The following TESC variants were observed in gnomAD, a reference collection of about 807,000 sequenced individuals.
The protein encoded by TESC is tescalcin.
A neutral mutation model predicts 31.0 loss-of-function variants in TESC; 19 were observed. The ratio of observed to expected loss-of-function variants is 0.61; its 90% CI spans 0.43 to 0.90. The LOEUF (loss-of-function observed/expected upper bound fraction) is 0.90, where lower values mean the gene tolerates loss of function less well. Among genes scored for constraint, TESC ranks in the 40% least tolerant of loss-of-function variants. TESC has a pLI of 0.00. For missense variants in TESC, 248 were observed against 303.8 expected (o/e 0.82, Z 1.36); for synonymous variants, 109 against 114.8 (o/e 0.95, Z 0.32).
rs1954733790 is a variant in TESC, at chr12:117,056,868, A to G, written c.147T>C (p.Asn49=). 6.2e-7 allele frequency: 1 copy of G among 1,614,128 alleles called. No individual in the cohort carries two copies. Among genetic ancestry groups the G allele is most frequent in the Non-Finnish European group, 8.5e-7 (1 of 1,180,020 alleles). ...QPTIRKENFN[N]VPDLELNPIR... ...TGGGGTTGAGCTCCAGGTCCGGGAC[A>G]TTGTTGAAGTTCTCCTTGCTGGTTT... Residue 49 remains asparagine, a synonymous_variant, in exon 3 of 8, where the codon AAT becomes AAC. Coordinates refer to ENST00000335209, the MANE Select transcript of TESC (RefSeq NM_017899.4).
rs757923846 is a variant in TESC, at chr12:117,049,167, GCAA to G, written c.210-12_210-10del. ...GTCCCTTGCGCAGGTTCCTACGGGA[GCAA>G]CAAGGAGGGTGTTGGAAATAAATGA... is the stretch of plus-strand genomic sequence containing the variant. On this transcript the variant is annotated splice_polypyrimidine_tract_variant and intron_variant, in intron 3 of 7. Transcript: ENST00000335209. 74 of 1,614,046 alleles carry G rather than the reference GCAA, an allele frequency of 4.6e-5. No homozygotes were observed. Among genetic ancestry groups the G allele is most frequent in the Non-Finnish European group, 6.3e-5 (74 of 1,180,008 alleles).
At chr12:117,075,951 A>ATATGTATG (rs1555232413) in intron 1 of TESC, among the ~76,000 whole-genome samples, 5 of 77,912 alleles carry the variant, frequency 6.4e-5, no homozygotes, top group African/African-American at 3.8e-4. Flanking sequence ...GTATATATAC[A>ATATGTATG]TATATATATA....
intron 2 of TESC, among the ~76,000 whole-genome samples, chr12:117,058,761 A>G (rs1056008842): frequency 6.6e-6 from 1 of 150,444 alleles, no homozygotes; most frequent in African/African-American, 2.5e-5. Flanking sequence ...AAAAAAAAAA[A>G]AGGCAAAAAA....
intron 6 of TESC, among the ~76,000 whole-genome samples, chr12:117,045,406 A>C (rs575689993): frequency 1.7e-4 from 26 of 152,244 alleles, no homozygotes; most frequent in African/African-American, 6.3e-4. Flanking sequence ...GACAGGGAGT[A>C]ATTTGAACAA....
At chr12:117,074,086 G>A (rs766847379) in intron 2 of TESC, among the ~76,000 whole-genome samples, 1 of 152,030 alleles carries the variant, frequency 6.6e-6, no homozygotes, top group Non-Finnish European at 1.5e-5. Context: ...ATTAGCTGGT[G>A]TGGTGGTGCA....
intron 2 of TESC, among the ~76,000 whole-genome samples, chr12:117,072,425 T>C (rs1299759613): frequency 1.3e-5 from 2 of 152,142 alleles, no homozygotes; most frequent in East Asian, 1.9e-4. Flanking sequence ...CAAGTGACCA[T>C]GCTCACTTTC....
chr12:117,050,263 G>A (rs1029315033), intron 3 of TESC, among the ~76,000 whole-genome samples: 2 of 152,186 alleles, frequency 1.3e-5, no homozygotes, highest in African/African-American at 4.8e-5. Context: ...CTTGTCTGCA[G>A]AGCTGAGTAG....
intron 1 of TESC, among the ~76,000 whole-genome samples, chr12:117,094,707 A>G (rs1325857212): frequency 6.6e-6 from 1 of 152,096 alleles, no homozygotes; most frequent in Non-Finnish European, 1.5e-5. Flanking sequence ...AATAATGAGC[A>G]TTCGTTTCAT....
At chr12:117,075,847 G>GTGTATATA (rs1309778368) in intron 1 of TESC, among the ~76,000 whole-genome samples, 6 of 67,204 alleles carry the variant, frequency 8.9e-5, no homozygotes, top group African/African-American at 3.8e-4. Context: ...GTGTGTGTGT[G>GTGTATATA]TATATATATA....
chr12:117,075,899 A>ATATATATATATGTGTG (rs1955059004), intron 1 of TESC, among the ~76,000 whole-genome samples: 2 of 73,180 alleles, frequency 2.7e-5, no homozygotes, highest in African/African-American at 1.6e-4. Flanking sequence ...ATATATATAT[A>ATATATATATATGTGTG]TATATATATA....
At chr12:117,059,718 G>A (rs567892135) in intron 2 of TESC, among the ~76,000 whole-genome samples, 1 of 152,090 alleles carries the variant, frequency 6.6e-6, no homozygotes, top group East Asian at 1.9e-4. Flanking sequence ...TCAGCCTCCC[G>A]AGTAGCTGGG....
chr12:117,056,586 A>C (rs1245108609), intron 3 of TESC, among the ~76,000 whole-genome samples: 2 of 152,162 alleles, frequency 1.3e-5, no homozygotes, highest in African/African-American at 4.8e-5. Flanking sequence ...ATAGCCAGAG[A>C]CAATGAACAC....
rs1954562784 is a variant in TESC, at chr12:117,046,543, CT to C, written c.519+15del. 3.2e-6 allele frequency: 5 copies of C among 1,544,666 alleles called. No homozygotes were observed. In the East Asian group the frequency reaches 9.8e-5, roughly 30 times the overall value. On this transcript the variant is annotated intron_variant, in intron 6 of 7. Transcript: ENST00000335209. Reference sequence around the variant, plus strand: ...AAAGGCACTGCGCGTCTCGGGAGGGCTGCAGGGGCGCTCACCATCTGCCCCA... The same window carrying C: ...AAAGGCACTGCGCGTCTCGGGAGGGCGCAGGGGCGCTCACCATCTGCCCCA...
At chr12:117,073,856 G>T (rs762167994) in intron 2 of TESC, among the ~76,000 whole-genome samples, 1 of 151,994 alleles carries the variant, frequency 6.6e-6, no homozygotes, top group African/African-American at 2.4e-5. Context: ...GAGGCGGGGG[G>T]ACTGCTTGAG....
At chr12:117,041,868 G>C in intron 7 of TESC, 79 bp downstream of exon 7, 1 of 1,414,106 alleles carries the variant, frequency 7.1e-7, no homozygotes, top group Non-Finnish European at 9.5e-7. Flanking sequence ...TGCAGGTAAA[G>C]AGCCATGTCC....
At chr12:117,073,062 A>G (rs1482681284) in intron 2 of TESC, among the ~76,000 whole-genome samples, 7 of 152,080 alleles carry the variant, frequency 4.6e-5, no homozygotes, top group African/African-American at 1.7e-4. Context: ...GTGTCCATAT[A>G]TGCCACCTCC....
At chr12:117,080,942 C>T (rs755296094) in intron 1 of TESC, among the ~76,000 whole-genome samples, 56 of 152,224 alleles carry the variant, frequency 3.7e-4, no homozygotes, top group Non-Finnish European at 6.8e-4. Context: ...GAGCCCTTCT[C>T]CAGGGCCCTG....
chr12:117,050,859 A>T (rs2135754432), intron 3 of TESC, among the ~76,000 whole-genome samples: 1 of 152,312 alleles, frequency 6.6e-6, no homozygotes, highest in East Asian at 1.9e-4. Flanking sequence ...CAGGAGGCCG[A>T]GGCTGCAGTG....
Position 117,047,970 on chromosome 12 carries a change from G to A in TESC, c.349+1049C>T, listed in dbSNP as rs550976213. ...GCTGCCCAGGCTGAGCCCTGAACTCGTGGCTTCAAGTTATCCTCCCCACTC... is the reference window on the plus strand; with the variant it reads ...GCTGCCCAGGCTGAGCCCTGAACTCATGGCTTCAAGTTATCCTCCCCACTC... On this transcript the variant is annotated intron_variant, in intron 4 of 7. Coordinates refer to ENST00000335209, the MANE Select transcript of TESC (RefSeq NM_017899.4). Among the ~76,000 whole-genome samples the A allele has an allele frequency of 6.6e-5, 10 of 151,744 alleles. No homozygotes were observed. The East Asian group carries it at 1.2e-3, about 18-fold the overall frequency.
Sources: allele counts gnomAD v4.1 joint callset (sites outside exome capture counted in the v4.1 genomes callset), GRCh38; gene constraint gnomAD v4.1.1; transcripts MANE v1.5; gene names NCBI Gene and HGNC (gene_info 2026-07-23, HGNC 2026-07-21).